The following TMEM278 variants were observed in gnomAD, a reference collection of about 807,000 sequenced individuals.
TMEM278 encodes the protein transmembrane protein 88B.
chr1:1,426,479 C>A, the TMEM278 span: 1 of 1,090,594 alleles, frequency 9.2e-7, no homozygotes, highest in Non-Finnish European at 1.2e-6. Context: ...TCCAGAATTG[C>A]CCCTTGTCCT....
chr1:1,426,369 T>C, the TMEM278 span: 2 of 1,426,866 alleles, frequency 1.4e-6, no homozygotes, highest in South Asian at 1.5e-5. Context: ...TACCTGGGAT[T>C]CCTGTGCCAC....
chr1:1,426,332 G>A, the TMEM278 span: 1 of 1,458,820 alleles, frequency 6.9e-7, no homozygotes, highest in South Asian at 1.4e-5. Flanking sequence ...CTTCCTGCTG[G>A]TGCTCCTGCC....
the TMEM278 span, chr1:1,426,466 C>T: frequency 1.7e-6 from 2 of 1,204,088 alleles, no homozygotes; most frequent in Non-Finnish European, 2.1e-6. Context: ...CACTGTGCCC[C>T]CTTCCAGAAT....
the TMEM278 span, among the ~76,000 whole-genome samples, chr1:1,428,669 T>C: frequency 6.6e-6 from 1 of 152,212 alleles, no homozygotes; most frequent in Non-Finnish European, 1.5e-5. Flanking sequence ...CCGTCTAATC[T>C]GCTGATTAAC....
chr1:1,429,042 A>G, the TMEM278 span, among the ~76,000 whole-genome samples: 1 of 150,958 alleles, frequency 6.6e-6, no homozygotes, highest in African/African-American at 2.4e-5. Flanking sequence ...GGTGGTGGGC[A>G]CCTATAACCT....
At chr1:1,427,274 CGT>C in the TMEM278 span, among the ~76,000 whole-genome samples, 3 of 139,672 alleles carry the variant, frequency 2.1e-5, no homozygotes, top group Non-Finnish European at 3.1e-5. Flanking sequence ...CATCCCTCAC[CGT>C]CCGGCCCTCA....
chr1:1,429,234 G>C, the TMEM278 span, among the ~76,000 whole-genome samples: 1 of 151,954 alleles, frequency 6.6e-6, no homozygotes, highest in African/African-American at 2.4e-5. Context: ...TGTAGTCCCA[G>C]CTACTCAGGA....
the TMEM278 span, among the ~76,000 whole-genome samples, chr1:1,426,724 C>T: frequency 6.6e-6 from 1 of 152,076 alleles, no homozygotes; most frequent in Admixed American, 6.5e-5. Context: ...CCCACAGCCC[C>T]CAGCCCCTCC....
At chr1:1,429,399 G>A in the TMEM278 span, among the ~76,000 whole-genome samples, 4 of 151,656 alleles carry the variant, frequency 2.6e-5, no homozygotes, top group Non-Finnish European at 4.4e-5. Context: ...TTGTGTTTTA[G>A]ATTTGTCTGA....
At chr1:1,426,868 G>C in the TMEM278 span, among the ~76,000 whole-genome samples, 1 of 151,978 alleles carries the variant, frequency 6.6e-6, no homozygotes, top group Admixed American at 6.5e-5. Context: ...GGTGATGAGA[G>C]GGCGCAGGAG....
At chr1:1,426,276 G>GGCTGCTGGCCGGGCTCCT in the TMEM278 span, 11 of 1,491,852 alleles carry the variant, frequency 7.4e-6, no homozygotes, top group Non-Finnish European at 7.2e-6. Flanking sequence ...CTGCCCGGCC[G>GGCTGCTGGCCGGGCTCCT]GCTGCTGGCC....
chr1:1,427,608 G>C, the TMEM278 span: 5 of 1,186,960 alleles, frequency 4.2e-6, no homozygotes, highest in Admixed American at 4.1e-5. Flanking sequence ...CCGCGGCTCC[G>C]CGGCGCTCAT....
the TMEM278 span, chr1:1,427,853 GC>G: frequency 1.5e-6 from 2 of 1,310,096 alleles, no homozygotes; most frequent in Non-Finnish European, 1.9e-6. Context: ...GCGTGGCCCG[GC>G]CCGGAAAACT....
the TMEM278 span, among the ~76,000 whole-genome samples, chr1:1,429,489 T>C: frequency 2.0e-5 from 3 of 152,228 alleles, no homozygotes; most frequent in African/African-American, 7.2e-5. Flanking sequence ...TATATAGTTA[T>C]TTTATATTCT....
At chr1:1,429,163 C>T in the TMEM278 span, among the ~76,000 whole-genome samples, 1 of 151,716 alleles carries the variant, frequency 6.6e-6, no homozygotes, top group Non-Finnish European at 1.5e-5. Flanking sequence ...GAGCAAGACT[C>T]CATCTTAAAA....
the TMEM278 span, among the ~76,000 whole-genome samples, chr1:1,426,697 C>T: frequency 6.6e-6 from 1 of 152,052 alleles, no homozygotes; most frequent in African/African-American, 2.4e-5. Context: ...ATGAAAATGT[C>T]GTTGAAGTTT....
At chr1:1,426,919 A>T in the TMEM278 span, among the ~76,000 whole-genome samples, 1 of 151,692 alleles carries the variant, frequency 6.6e-6, no homozygotes, top group African/African-American at 2.4e-5. Flanking sequence ...GCTTTTTCTG[A>T]GCCTCCCCTC....
At chr1:1,427,159 C>A in the TMEM278 span, among the ~76,000 whole-genome samples, 1 of 148,898 alleles carries the variant, frequency 6.7e-6, no homozygotes, top group Non-Finnish European at 1.5e-5. Flanking sequence ...TCGCCCACTC[C>A]TCTCTCCCGC....
the TMEM278 span, among the ~76,000 whole-genome samples, chr1:1,426,796 T>G: frequency 6.6e-6 from 1 of 151,960 alleles, no homozygotes; most frequent in South Asian, 2.1e-4. Flanking sequence ...ACCTGCAGAG[T>G]GGGCTGTGGC....
Sources: allele counts gnomAD v4.1 joint callset (sites outside exome capture counted in the v4.1 genomes callset), GRCh38; gene constraint gnomAD v4.1.1; transcripts MANE v1.5; gene names NCBI Gene and HGNC (gene_info 2026-07-23, HGNC 2026-07-21).